GALK2: variants seen among roughly 807,000 people sequenced by gnomAD.
GALK2 encodes the protein N-acetylgalactosamine kinase.
Under a neutral mutation model 52.4 loss-of-function variants are expected in GALK2, and 36 were observed. The observed-to-expected ratio is 0.69, with a 90% confidence interval of 0.53 to 0.91. The LOEUF (loss-of-function observed/expected upper bound fraction) is 0.91, where lower values mean the gene tolerates loss of function less well. GALK2 is among the 40% of genes least tolerant of loss of function. GALK2 has a pLI of 0.00. For missense variants in GALK2, 579 were observed against 559.1 expected, an observed-to-expected ratio of 1.04 and a Z score of -0.36; for synonymous variants, 176 against 199.1, an observed-to-expected ratio of 0.88 and a Z score of 0.98.
chr15:49,230,986 T>C (rs1424902555), intron 3 of GALK2, among the ~76,000 whole-genome samples: 31 of 152,104 alleles, frequency 2.0e-4, no homozygotes, highest in Admixed American at 2.0e-3. Context: ...GATCAATAAC[T>C]AATCAAAAAG....
chr15:49,265,670 C>T (rs953431078), intron 5 of GALK2, among the ~76,000 whole-genome samples: 12 of 152,374 alleles, frequency 7.9e-5, no homozygotes, highest in African/African-American at 2.2e-4. Context: ...GCGTCGCTCA[C>T]GCTGGGAGCT....
intron 9 of GALK2, among the ~76,000 whole-genome samples, 200 bp downstream of exon 9, chr15:49,320,005 T>C (rs1328642870): frequency 6.6e-6 from 1 of 152,170 alleles, no homozygotes; most frequent in Non-Finnish European, 1.5e-5. Context: ...GGCTCCATGA[T>C]TTTATGAGGC....
At chr15:49,160,964 A>G (rs894244045) in intron 1 of GALK2, among the ~76,000 whole-genome samples, 1 of 152,212 alleles carries the variant, frequency 6.6e-6, no homozygotes, top group African/African-American at 2.4e-5. Context: ...AAAAGAGAAA[A>G]TAGGATCCCG....
At chr15:49,218,420 A>G (rs2089550304) in intron 3 of GALK2, among the ~76,000 whole-genome samples, 1 of 152,174 alleles carries the variant, frequency 6.6e-6, no homozygotes, top group Non-Finnish European at 1.5e-5. Flanking sequence ...AATAATGAAT[A>G]TGTGGTTTCA....
At chr15:49,317,069 T>C (rs2036480735) in intron 8 of GALK2, among the ~76,000 whole-genome samples, 1 of 152,124 alleles carries the variant, frequency 6.6e-6, no homozygotes, top group Admixed American at 6.5e-5. Context: ...GGGGGGAATG[T>C]TGAAGGATAG....
At chr15:49,202,330 C>T (rs1009402826) in intron 2 of GALK2, among the ~76,000 whole-genome samples, 2 of 152,088 alleles carry the variant, frequency 1.3e-5, no homozygotes, top group Non-Finnish European at 2.9e-5. Flanking sequence ...CTGACCTCTC[C>T]CTACCTGCCC....
intron 3 of GALK2, among the ~76,000 whole-genome samples, chr15:49,223,880 T>C (rs2089976532): frequency 6.6e-6 from 1 of 151,998 alleles, no homozygotes; most frequent in Non-Finnish European, 1.5e-5. Context: ...TTTTTTAGAA[T>C]AATTTATTTT....
At chr15:49,174,388 C>A (rs2085303233) in intron 1 of GALK2, among the ~76,000 whole-genome samples, 1 of 152,002 alleles carries the variant, frequency 6.6e-6, no homozygotes. Context: ...CTCTGTTGCC[C>A]AGGCTGGAGT....
chr15:49,255,976 CTGTT>C (rs1171210166), intron 5 of GALK2, among the ~76,000 whole-genome samples: 5 of 152,186 alleles, frequency 3.3e-5, no homozygotes, highest in Middle Eastern at 3.4e-3. Context: ...TTGGAATAAA[CTGTT>C]TGAGATGTCT....
chr15:49,323,822 A>G (rs1237673570), intron 9 of GALK2, among the ~76,000 whole-genome samples: 1 of 152,218 alleles, frequency 6.6e-6, no homozygotes, highest in African/African-American at 2.4e-5. Flanking sequence ...AGAAAGGAGC[A>G]GGGAGGATGA....
intron 9 of GALK2, 86 bp downstream of exon 9, chr15:49,319,891 C>T (rs2151085596): frequency 7.7e-6 from 9 of 1,175,650 alleles, no homozygotes; most frequent in Non-Finnish European, 9.6e-6. Flanking sequence ...TCATAATCTA[C>T]GGGAATGAAG....
intron 5 of GALK2, among the ~76,000 whole-genome samples, chr15:49,259,553 T>A (rs2091989969): frequency 6.7e-6 from 1 of 150,178 alleles, no homozygotes; most frequent in Admixed American, 6.7e-5. Context: ...TATTCCATGG[T>A]GTATATGTGC....
intron 1 of GALK2, among the ~76,000 whole-genome samples, chr15:49,164,934 C>G (rs907442337): frequency 6.5e-4 from 98 of 151,868 alleles, no homozygotes; most frequent in African/African-American, 2.3e-3. Context: ...ATTTGTTTCT[C>G]AGATTTCATT....
At chr15:49,364,090 T>C (rs1442424742) in intron 3 of GALK2, among the ~76,000 whole-genome samples, 1 of 152,170 alleles carries the variant, frequency 6.6e-6, no homozygotes, top group Non-Finnish European at 1.5e-5. Flanking sequence ...TTTTATTGTG[T>C]CTATGCCAGG....
intron 3 of GALK2, among the ~76,000 whole-genome samples, chr15:49,228,681 A>ATTTTTTTTTTTTTTTTTTTTTTTTT (rs1566957908): frequency 1.0e-4 from 1 of 9,658 alleles, no homozygotes; most frequent in Non-Finnish European, 2.2e-4. Flanking sequence ...ATATATATAT[A>ATTTTTTTTTTTTTTTTTTTTTTTTT]TATATATTTT....
At chr15:49,277,770 T>C (rs2032070575) in intron 5 of GALK2, among the ~76,000 whole-genome samples, 1 of 150,106 alleles carries the variant, frequency 6.7e-6, no homozygotes, top group South Asian at 2.1e-4. Flanking sequence ...CACTCCAGCC[T>C]GCGGACAGAG....
chr15:49,362,138 G>GGTGTTAACATA (rs2044349748), intron 3 of GALK2, among the ~76,000 whole-genome samples: 1 of 151,974 alleles, frequency 6.6e-6, no homozygotes, highest in African/African-American at 2.4e-5. Flanking sequence ...AACATAGTTT[G>GGTGTTAACATA]GCTCTGTGTC....
intron 3 of GALK2, chr15:49,366,662 G>T: frequency 6.5e-7 from 1 of 1,537,396 alleles, no homozygotes; most frequent in Non-Finnish European, 8.9e-7. Context: ...CGTGGCAGGG[G>T]ACAGCCGCCG....
chr15:49,354,880 C>A (rs1187953577), intron 3 of GALK2, among the ~76,000 whole-genome samples: 1 of 152,042 alleles, frequency 6.6e-6, no homozygotes, highest in African/African-American at 2.4e-5. Flanking sequence ...TCCCAGCATG[C>A]AGCTGGAGAT....
Sources: gnomAD v4.1 joint callset for allele counts (sites outside exome capture counted in the v4.1 genomes callset) on GRCh38, gnomAD v4.1.1 for gene constraint, MANE v1.5 for transcripts, NCBI Gene and HGNC (gene_info 2026-07-23, HGNC 2026-07-21) for gene names.